FAM91A1: variants seen among roughly 807,000 people sequenced by gnomAD.
FAM91A1 encodes the protein protein FAM91A1.
FAM91A1 carries 41 observed loss-of-function variants against 113.5 expected under a neutral mutation model. That is an observed-to-expected ratio of 0.36 (90% CI 0.28 to 0.47). The LOEUF (loss-of-function observed/expected upper bound fraction) is 0.47, where lower values mean the gene tolerates loss of function less well. FAM91A1 is among the 20% of genes least tolerant of loss of function. The probability of loss-of-function intolerance (pLI) is 1.00; values close to 1 mark genes in which losing one functional copy is unlikely to be tolerated. For synonymous variants in FAM91A1, 307 were observed against 347.9 expected (o/e 0.88, Z 1.31); for missense variants, 696 against 1,001.2 (o/e 0.70, Z 4.11).
In FAM91A1 at chr8:123,768,916, C is replaced by T. The variant is rs550706239; in HGVS notation, c.72+142C>T. ...CCTCCGTGGTCTTGGGGAGACGGAC[C>T]TTCAGCCCAGGGCGAGGAGGGGACG... On this transcript the variant is annotated intron_variant, in intron 1 of 23. Coordinates refer to ENST00000334705, the MANE Select transcript of FAM91A1 (RefSeq NM_144963.4). 8.2e-6 allele frequency: 7 copies of T among 851,938 alleles called. 1 individual carries two copies. The South Asian group carries it at 9.7e-5, about 12-fold the overall frequency. 52.8% of individuals were successfully genotyped at this position (851,938 alleles called of 1,614,324 possible). A position where few individuals can be genotyped will look rare whatever the true frequency, so the allele number is the denominator to read the frequency against.
intron 8 of FAM91A1, among the ~76,000 whole-genome samples, chr8:123,782,301 G>A (rs191471685): frequency 1.5e-4 from 23 of 152,224 alleles, no homozygotes; most frequent in Admixed American, 1.5e-3. Flanking sequence ...CTCTTTGGCT[G>A]TTCCCCAAAT....
At chr8:123,770,078 G>A (rs529274979) in intron 1 of FAM91A1, among the ~76,000 whole-genome samples, 86 of 152,168 alleles carry the variant, frequency 5.7e-4, no homozygotes, top group African/African-American at 1.9e-3. Context: ...TCAGCCTCCC[G>A]AGTAGCTGGT....
chr8:123,801,039 T>C (rs537614923), intron 18 of FAM91A1, among the ~76,000 whole-genome samples: 2 of 152,186 alleles, frequency 1.3e-5, no homozygotes, highest in Non-Finnish European at 2.9e-5. Context: ...TGGCTATATA[T>C]GTATAGGGAT....
At chr8:123,771,835 G>A (rs1355693624) in intron 1 of FAM91A1, among the ~76,000 whole-genome samples, 1 of 152,150 alleles carries the variant, frequency 6.6e-6, no homozygotes, top group Non-Finnish European at 1.5e-5. Context: ...AATCTGTGAT[G>A]GGTGCTTTAT....
intron 18 of FAM91A1, among the ~76,000 whole-genome samples, chr8:123,802,253 A>G (rs1473549923): frequency 1.3e-5 from 2 of 152,216 alleles, no homozygotes; most frequent in African/African-American, 2.4e-5. Context: ...GATCAAGGAC[A>G]TGGTAATAAG....
chr8:123,800,368 ATATAAGT>A (rs946156574), intron 18 of FAM91A1, among the ~76,000 whole-genome samples: 1 of 152,162 alleles, frequency 6.6e-6, no homozygotes, highest in African/African-American at 2.4e-5. Context: ...GCATACTGTA[ATATAAGT>A]TATATGAATG....
At chr8:123,781,896 G>T (rs1358170837) in intron 8 of FAM91A1, among the ~76,000 whole-genome samples, 1 of 152,132 alleles carries the variant, frequency 6.6e-6, no homozygotes, top group Non-Finnish European at 1.5e-5. Context: ...AGAAAGATTT[G>T]ACAAGGAAAT....
chr8:123,780,688 T>G, intron 8 of FAM91A1, 146 bp downstream of exon 8: 1 of 593,286 alleles, frequency 1.7e-6, no homozygotes, highest in Non-Finnish European at 2.8e-6. Flanking sequence ...GTACATTGGT[T>G]TTACTTAAAT....
At chr8:123,775,550 G>A (rs190641206) in intron 3 of FAM91A1, among the ~76,000 whole-genome samples, 43 of 152,180 alleles carry the variant, frequency 2.8e-4, no homozygotes, top group African/African-American at 9.9e-4. Flanking sequence ...TTGACCCTTT[G>A]TGCTGTTGTA....
chr8:123,789,733 C>T lies in FAM91A1; in HGVS notation c.1399C>T (p.Gln467Ter), dbSNP rs769240204. ...AGTTGCGCAAACTGCACAGCCAGACCAACCCAATTATGGTATGATAAATAT... is the reference window on the plus strand; with the variant it reads ...AGTTGCGCAAACTGCACAGCCAGACTAACCCAATTATGGTATGATAAATAT... The part of the protein sequence containing the change: ...DLVAQTAQPD[Q>*]PNYGFPLDLL... The change falls in exon 15 of 24, where the codon CAA (glutamine) becomes TAA (stop). Residue 467 changes from glutamine to a stop codon, truncating the protein, a stop_gained. Coordinates refer to ENST00000334705, the MANE Select transcript of FAM91A1 (RefSeq NM_144963.4). LOFTEE classifies it high-confidence loss of function. The T allele has an allele frequency of 6.2e-7, 1 of 1,612,536 alleles. No individual in the cohort carries two copies. Among genetic ancestry groups the T allele is most frequent in the Admixed American group, 1.7e-5 (1 of 59,844 alleles).
At position 123,789,725 on chromosome 8, in the gene FAM91A1, A is replaced by C. The variant is rs1390876486; in HGVS notation, c.1391A>C (p.Gln464Pro). 2 of 1,613,176 alleles carry C rather than the reference A, an allele frequency of 1.2e-6. No homozygotes were observed. The highest frequency in any genetic ancestry group is 1.7e-5 in the Admixed American group (1 of 59,936). Residue 464 changes from glutamine (Q) to proline (P), a missense_variant, in exon 15 of 24, where the codon CAG becomes CCG. Coordinates refer to ENST00000334705, the MANE Select transcript of FAM91A1 (RefSeq NM_144963.4). ...HNKDLVAQTAQPDQPNYGFPL... is the reference protein window; with the variant it reads ...HNKDLVAQTAPPDQPNYGFPL... ...AAAGATCTAGTTGCGCAAACTGCAC[A>C]GCCAGACCAACCCAATTATGGTATG... is the stretch of plus-strand genomic sequence containing the variant.
chr8:123,807,239 T>A (rs1815833478), intron 20 of FAM91A1, among the ~76,000 whole-genome samples: 1 of 152,224 alleles, frequency 6.6e-6, no homozygotes, highest in African/African-American at 2.4e-5. Flanking sequence ...AAGAGGGCTA[T>A]GACTTAAGCA....
At chr8:123,807,480 C>G (rs1236462888) in intron 20 of FAM91A1, among the ~76,000 whole-genome samples, 1 of 58,952 alleles carries the variant, frequency 1.7e-5, no homozygotes, top group Non-Finnish European at 3.5e-5. Context: ...CCTGTCTCTA[C>G]AAAAAAAAAA....
chr8:123,778,552 A>G (rs1815041826), intron 5 of FAM91A1, 107 bp from the exon 6 acceptor site: 3 of 707,700 alleles, frequency 4.2e-6, no homozygotes, highest in Non-Finnish European at 7.3e-6. Context: ...TGAAGATTTT[A>G]AGAAGATATT....
intron 20 of FAM91A1, among the ~76,000 whole-genome samples, chr8:123,807,271 T>TTTG: frequency 6.6e-6 from 1 of 152,264 alleles, no homozygotes; most frequent in South Asian, 2.1e-4. Flanking sequence ...GCGTATCTAC[T>TTTG]ACAGCTCTCC....
chr8:123,774,008 T>G, intron 1 of FAM91A1, 72 bp from the exon 2 acceptor site: 1 of 1,174,714 alleles, frequency 8.5e-7, no homozygotes, highest in Non-Finnish European at 1.2e-6. Flanking sequence ...GGTTTTAAAG[T>G]GTGTTATGGG....
At chr8:123,780,105 C>T (rs761573562) in intron 7 of FAM91A1, 30 bp downstream of exon 7, 9 of 1,584,050 alleles carry the variant, frequency 5.7e-6, no homozygotes, top group Middle Eastern at 1.7e-4. Flanking sequence ...GGTCTTTTGT[C>T]AACATAAAAA....
At chr8:123,800,874 A>G (rs1425252037) in intron 18 of FAM91A1, among the ~76,000 whole-genome samples, 2 of 152,166 alleles carry the variant, frequency 1.3e-5, no homozygotes, top group Non-Finnish European at 2.9e-5. Flanking sequence ...TTTTGAGGCC[A>G]AATAATGTTC....
At chr8:123,773,972 G>A in intron 1 of FAM91A1, 108 bp from the exon 2 acceptor site, 1 of 765,566 alleles carries the variant, frequency 1.3e-6, no homozygotes, top group Non-Finnish European at 2.2e-6. Flanking sequence ...GCAAATTAGA[G>A]ATGCCAGGAT....
Sources: allele counts gnomAD v4.1 joint callset (sites outside exome capture counted in the v4.1 genomes callset), GRCh38; gene constraint gnomAD v4.1.1; transcripts MANE v1.5; gene names NCBI Gene and HGNC (gene_info 2026-07-23, HGNC 2026-07-21).